MARCHF8: variants seen among roughly 807,000 people sequenced by gnomAD.
The protein encoded by MARCHF8 is membrane associated ring-CH-type finger 8.
Under a neutral mutation model 51.6 loss-of-function variants are expected in MARCHF8, and 40 were observed. That is an observed-to-expected ratio of 0.77 (90% CI 0.60 to 1.01). MARCHF8 has a LOEUF of 1.01. Among genes scored for constraint, MARCHF8 ranks in the 50% least tolerant of loss-of-function variants. The pLI is 0.00. For synonymous variants in MARCHF8, 263 were observed against 280.3 expected, an observed-to-expected ratio of 0.94 and a Z score of 0.62; for missense variants, 685 against 708.6, an observed-to-expected ratio of 0.97 and a Z score of 0.38.
chr10:45,539,836 T>A (rs1365134735), upstream of MARCHF8, among the ~76,000 whole-genome samples: 1 of 152,218 alleles, frequency 6.6e-6, no homozygotes, highest in Admixed American at 6.5e-5. Context: ...CTTAAGCTGA[T>A]AAGCAACTTC....
intron 1 of MARCHF8, among the ~76,000 whole-genome samples, chr10:45,580,933 T>C (rs2044548761): frequency 6.6e-6 from 1 of 152,130 alleles, no homozygotes; most frequent in African/African-American, 2.4e-5. Context: ...TGACTCCAGC[T>C]CTGCCCTATT....
intron 3 of MARCHF8, among the ~76,000 whole-genome samples, chr10:45,474,897 C>T (rs762483444): frequency 6.6e-6 from 1 of 152,200 alleles, no homozygotes; most frequent in African/African-American, 2.4e-5. Context: ...TAGACCCTCA[C>T]AGGCCTTGAG....
chr10:45,583,761 G>T (rs1357453182), intron 1 of MARCHF8, among the ~76,000 whole-genome samples: 1 of 151,974 alleles, frequency 6.6e-6, no homozygotes, highest in Non-Finnish European at 1.5e-5. Flanking sequence ...GACTTTTTTA[G>T]CATTGTGACA....
chr10:45,525,461 AT>A (rs1222600350), intron 2 of MARCHF8, among the ~76,000 whole-genome samples: 1 of 152,178 alleles, frequency 6.6e-6, no homozygotes, highest in Non-Finnish European at 1.5e-5. Flanking sequence ...TGAAAAATGT[AT>A]TTTTTGGACA....
At chr10:45,512,603 G>A (rs2043544875) in intron 2 of MARCHF8, among the ~76,000 whole-genome samples, 1 of 149,340 alleles carries the variant, frequency 6.7e-6, no homozygotes, top group African/African-American at 2.5e-5. Flanking sequence ...AGGGAGGTGG[G>A]GGGGTCAGCC....
chr10:45,488,739 C>T (rs1457467626), intron 3 of MARCHF8, among the ~76,000 whole-genome samples: 1 of 152,178 alleles, frequency 6.6e-6, no homozygotes, highest in African/African-American at 2.4e-5. Flanking sequence ...TTCTTCCACC[C>T]GCCTTCTCAC....
chr10:45,479,398 G>A (rs1240785751), intron 3 of MARCHF8, among the ~76,000 whole-genome samples: 1 of 152,156 alleles, frequency 6.6e-6, no homozygotes, highest in African/African-American at 2.4e-5. Context: ...ATCTGAATGG[G>A]GGAAAAGTGA....
intron 6 of MARCHF8, chr10:45,459,780 G>GACGCC: frequency 1.0e-6 from 1 of 985,374 alleles, no homozygotes; most frequent in South Asian, 4.7e-5. Flanking sequence ...GCTCGAAATC[G>GACGCC]ACGCTAAGAG....
intron 3 of MARCHF8, among the ~76,000 whole-genome samples, chr10:45,470,865 ACT>A (rs1391983936): frequency 6.6e-6 from 1 of 152,206 alleles, no homozygotes; most frequent in Non-Finnish European, 1.5e-5. Flanking sequence ...CACAGAAGTT[ACT>A]CTGTCAAACC....
At chr10:45,556,029 G>C (rs1281306009) in intron 1 of MARCHF8, among the ~76,000 whole-genome samples, 1 of 152,140 alleles carries the variant, frequency 6.6e-6, no homozygotes, top group Admixed American at 6.5e-5. Flanking sequence ...CCATGATTAA[G>C]TAATGGATCT....
chr10:45,578,314 T>C (rs939466789), intron 1 of MARCHF8, among the ~76,000 whole-genome samples: 17 of 152,290 alleles, frequency 1.1e-4, no homozygotes, highest in Middle Eastern at 3.4e-3. Flanking sequence ...TGGAGACATA[T>C]GAAAACACAG....
Position 45,527,616 on chromosome 10 carries a change from T to TA in MARCHF8, c.102+5493dup, listed in dbSNP as rs903125917. Among the ~76,000 whole-genome samples the TA allele has an allele frequency of 1.7e-3, 250 of 150,804 alleles. 1 individual carries two copies. The highest frequency in any genetic ancestry group is 5.0e-3 in the African/African-American group (207 of 41,114). On this transcript the variant is annotated intron_variant, in intron 2 of 7. Transcript: ENST00000453424. ...AGTAAGACTTAACCAGTAATAAAAA[T>TA]AAAAAAAAATCTCCCAACAACAAAA...
At chr10:45,542,768 A>G (rs1435356200) in intron 1 of MARCHF8, among the ~76,000 whole-genome samples, 2 of 152,236 alleles carry the variant, frequency 1.3e-5, no homozygotes, top group Non-Finnish European at 2.9e-5. Context: ...GAAAGTATAA[A>G]AAGAATAACA....
Position 45,525,171 on chromosome 10 carries a change from C to A in MARCHF8, c.102+7939G>T, listed in dbSNP as rs115952926. Among the ~76,000 whole-genome samples, 1,027 of 152,222 alleles carry A rather than the reference C, an allele frequency of 6.7e-3. 9 individuals carry two copies. Among genetic ancestry groups the A allele is most frequent in the African/African-American group, 0.024 (978 of 41,548 alleles). On this transcript the variant is annotated intron_variant, in intron 2 of 7. Coordinates refer to ENST00000453424, the MANE Select transcript of MARCHF8 (RefSeq NM_001282866.2). Reference sequence around the variant, plus strand: ...TACAAATGAATACAGTATGATCTATCAATACTCATGTGTTTTTAGAGCAAA... The same window carrying A: ...TACAAATGAATACAGTATGATCTATAAATACTCATGTGTTTTTAGAGCAAA...
At chr10:45,504,349 C>T (rs2043339836) in intron 2 of MARCHF8, among the ~76,000 whole-genome samples, 1 of 152,230 alleles carries the variant, frequency 6.6e-6, no homozygotes, top group Non-Finnish European at 1.5e-5. Context: ...GAGGCTGAGA[C>T]AGGAGAATCG....
chr10:45,494,710 T>A (rs1255823971), intron 2 of MARCHF8, among the ~76,000 whole-genome samples: 1 of 152,196 alleles, frequency 6.6e-6, no homozygotes, highest in African/African-American at 2.4e-5. Context: ...TCCTCCCTCA[T>A]CCAGCCTGGA....
intron 2 of MARCHF8, among the ~76,000 whole-genome samples, chr10:45,490,477 C>A (rs564383336): frequency 2.6e-4 from 39 of 152,206 alleles, no homozygotes; most frequent in South Asian, 4.1e-4. Context: ...CAAGGAGAAA[C>A]CAGCCCTGCT....
rs192937032 is a variant in MARCHF8, at chr10:45,489,429, T to C, written c.103-12A>G. On this transcript the variant is annotated splice_polypyrimidine_tract_variant and intron_variant, in intron 2 of 7. Transcript: ENST00000453424. ...AAAGTCTTCTCATTCTGCAAGAAAA[T>C]CAAACAGGTTTTAATTATCAATCTT... 7 of 1,608,702 alleles carry C rather than the reference T, an allele frequency of 4.4e-6. No individual in the cohort carries two copies. Among genetic ancestry groups the C allele is most frequent in the Admixed American group, 3.4e-5 (2 of 59,662 alleles).
Position 45,455,700 on chromosome 10 carries a change from G to C in MARCHF8, c.*2539C>G, listed in dbSNP as rs1343229693. Reference sequence around the variant, plus strand: ...TCATGCTTCACTGCTAGATGCAGGGGGCTAGAAGGGTCTGATGAATCAGGA... The same window carrying C: ...TCATGCTTCACTGCTAGATGCAGGGCGCTAGAAGGGTCTGATGAATCAGGA... On this transcript the variant is annotated 3_prime_UTR_variant, in exon 8 of 8. Coordinates refer to ENST00000453424, the MANE Select transcript of MARCHF8 (RefSeq NM_001282866.2). The C allele has an allele frequency of 2.0e-5, 3 of 152,282 alleles. No individual in the cohort carries two copies. The highest frequency in any genetic ancestry group is 7.2e-5 in the African/African-American group (3 of 41,448). 9.4% of individuals were successfully genotyped at this position (152,282 alleles called of 1,614,324 possible).
Sources: gnomAD v4.1 joint callset for allele counts (sites outside exome capture counted in the v4.1 genomes callset) on GRCh38, gnomAD v4.1.1 for gene constraint, MANE v1.5 for transcripts, NCBI Gene and HGNC (gene_info 2026-07-23, HGNC 2026-07-21) for gene names.